SF3A1: variants seen among roughly 807,000 people sequenced by gnomAD.
SF3A1 encodes the protein splicing factor 3a subunit 1.
In SF3A1, 13 loss-of-function variants were observed where a neutral mutation model predicts 89.9. The observed-to-expected ratio is 0.14, with a 90% confidence interval of 0.09 to 0.23. The LOEUF is 0.23. Among genes scored for constraint, SF3A1 ranks in the 10% least tolerant of loss-of-function variants. SF3A1 has a pLI of 1.00. For missense variants in SF3A1, 604 were observed against 1,022.1 expected (o/e 0.59, Z 5.58); for synonymous variants, 405 against 374.4 (o/e 1.08, Z -0.94).
chr22:30,356,736 G>A lies in SF3A1; in HGVS notation c.57C>T (p.Pro19=). Residue 19 remains proline, a synonymous_variant, in exon 1 of 16, where the codon CCC becomes CCT. Transcript: ENST00000215793. ...AGGGGCGGGGGAGAGGTACCTGTTTGGGCTCCGTGGGCACGGGCGGCGGCG... is the reference window on the plus strand; with the variant it reads ...AGGGGCGGGGGAGAGGTACCTGTTTAGGCTCCGTGGGCACGGGCGGCGGCG... The part of the protein sequence containing the change: ...VPPPPPVPTE[P]KQPTEEEASS... 6.7e-7 allele frequency: 1 copy of A among 1,494,966 alleles called. No individual in the cohort carries two copies. The highest frequency in any genetic ancestry group is 8.9e-7 in the Non-Finnish European group (1 of 1,118,504). The allele number at this position is 1,494,966 out of a possible 1,614,324, so 92.6% of individuals were successfully genotyped here. A position where few individuals can be genotyped will look rare whatever the true frequency, so the allele number is the denominator to read the frequency against.
At chr22:30,348,179 G>T (rs1342644978) in intron 2 of SF3A1, among the ~76,000 whole-genome samples, 2 of 152,202 alleles carry the variant, frequency 1.3e-5, no homozygotes, top group African/African-American at 2.4e-5. Context: ...AAATGCAAGG[G>T]GCTAGGAGGG....
At position 30,340,716 on chromosome 22, in the gene SF3A1, G is replaced by A. The variant is rs1239952806; in HGVS notation, c.1168C>T (p.Arg390Cys). Residue 390 changes from arginine (R) to cysteine (C), a missense_variant, in exon 8 of 16, where the codon CGC becomes TGC. Physicochemically the swap from Arg to Cys is radical, Grantham distance 180. Transcript: ENST00000215793. ...CTACCTTTGGGATCATAATCCTTGC[G>A]GACAATGACTTGGTCTGGAGTTGGG... ...LPPTPDQVIV[R>C]KDYDPKASKP... The A allele has an allele frequency of 1.9e-6, 3 of 1,606,896 alleles. No individual in the cohort carries two copies. Among genetic ancestry groups the A allele is most frequent in the African/African-American group, 1.3e-5 (1 of 74,774 alleles).
In SF3A1 at chr22:30,333,101, T is replaced by G. The variant is rs929595449; in HGVS notation, c.*1493A>C. On this transcript the variant is annotated 3_prime_UTR_variant, in exon 16 of 16. Coordinates refer to ENST00000215793, the MANE Select transcript of SF3A1 (RefSeq NM_005877.6). ...CCACCTCAGGAAGCCAAATTTCAAC[T>G]CTTGCCCCTGGGGCAAACTTCTAGC... is the stretch of plus-strand genomic sequence containing the variant. 1.3e-5 allele frequency: 2 copies of G among 152,178 alleles called. No homozygotes were observed. The highest frequency in any genetic ancestry group is 2.9e-5 in the Non-Finnish European group (2 of 68,060). 9.4% of individuals were successfully genotyped at this position (152,178 alleles called of 1,614,324 possible).
intron 9 of SF3A1, 79 bp from the exon 10 acceptor site, chr22:30,339,330 G>T (rs1857211232): frequency 1.9e-6 from 3 of 1,570,478 alleles, no homozygotes; most frequent in Non-Finnish European, 1.7e-6. Context: ...AGCTTTTCTG[G>T]TGTGCAGGGA....
chr22:30,343,572 T>C (rs1457690360), intron 4 of SF3A1, among the ~76,000 whole-genome samples: 1 of 152,162 alleles, frequency 6.6e-6, no homozygotes, highest in East Asian at 1.9e-4. Context: ...CAAGAATCTA[T>C]CTGCTCAGTC....
At chr22:30,354,142 C>T (rs2145824984) in intron 1 of SF3A1, among the ~76,000 whole-genome samples, 1 of 152,312 alleles carries the variant, frequency 6.6e-6, no homozygotes, top group African/African-American at 2.4e-5. Context: ...GCAGCTTCTT[C>T]CCCTTAGTAA....
chr22:30,341,891 G>A lies in SF3A1; in HGVS notation c.878-6C>T, dbSNP rs760511378. 48 of 1,610,178 alleles carry A rather than the reference G, an allele frequency of 3.0e-5. No homozygotes were observed. The Admixed American group carries it at 8.0e-4, about 27-fold the overall frequency. On this transcript the variant is annotated splice_polypyrimidine_tract_variant and splice_region_variant and intron_variant, in intron 6 of 15. Coordinates refer to ENST00000215793, the MANE Select transcript of SF3A1 (RefSeq NM_005877.6). ...GGTGGGGGGAGGGAAGTTCCCTAGA[G>A]GGTGAGCCAGAGGCAAAGGTATTCC...
chr22:30,350,308 AAAAATAAAAAAAAT>A (rs912360121), intron 2 of SF3A1, among the ~76,000 whole-genome samples: 1 of 149,214 alleles, frequency 6.7e-6, no homozygotes, highest in Non-Finnish European at 1.5e-5. Context: ...AAAAACTAAA[AAAAATAAAAAAAAT>A]AAAAAAAAAA....
chr22:30,339,527 G>A (rs1931182063), intron 9 of SF3A1, among the ~76,000 whole-genome samples: 2 of 152,342 alleles, frequency 1.3e-5, no homozygotes, highest in South Asian at 4.1e-4. Flanking sequence ...GCCAAGGCAG[G>A]AGGATCACAT....
chr22:30,348,741 A>G (rs1003398893), intron 2 of SF3A1, among the ~76,000 whole-genome samples: 4 of 152,206 alleles, frequency 2.6e-5, no homozygotes, highest in East Asian at 1.9e-4. Context: ...CAAACCACAC[A>G]TAAGAATGAA....
At chr22:30,346,289 G>T in intron 3 of SF3A1, 23 bp downstream of exon 3, 1 of 1,499,010 alleles carries the variant, frequency 6.7e-7, no homozygotes, top group Non-Finnish European at 9.3e-7. Flanking sequence ...CTGCGTAAGT[G>T]AAGGGGGCAC....
chr22:30,342,940 C>A, intron 4 of SF3A1, 61 bp from the exon 5 acceptor site: 1 of 1,035,678 alleles, frequency 9.7e-7, no homozygotes, highest in Non-Finnish European at 1.5e-6. Context: ...AAAGAGGCAG[C>A]CTTCCTGGGC....
At chr22:30,340,146 TG>T in intron 9 of SF3A1, 49 bp downstream of exon 9, 1 of 1,395,778 alleles carries the variant, frequency 7.2e-7, no homozygotes, top group Non-Finnish European at 9.4e-7. Flanking sequence ...TAGAAGAAGA[TG>T]GCTGTAATTC....
intron 1 of SF3A1, among the ~76,000 whole-genome samples, chr22:30,355,453 T>C (rs961506170): frequency 6.6e-6 from 1 of 152,192 alleles, no homozygotes; most frequent in African/African-American, 2.4e-5. Context: ...CGGCCAGGCC[T>C]TCAGCCTCTT....
intron 12 of SF3A1, among the ~76,000 whole-genome samples, 187 bp from the exon 13 acceptor site, chr22:30,337,367 AC>A (rs1931102010): frequency 6.6e-6 from 1 of 152,144 alleles, no homozygotes; most frequent in African/African-American, 2.4e-5. Context: ...CCCAGATTGG[AC>A]AGCAGAGGAC....
At chr22:30,352,414 A>G (rs35537171) in intron 2 of SF3A1, 30,714 of 151,922 alleles carry the variant, frequency 0.2, 3,319 homozygotes, top group Middle Eastern at 0.36. Flanking sequence ...TAGCACCTGC[A>G]TGGAACTGTG....
intron 2 of SF3A1, among the ~76,000 whole-genome samples, chr22:30,346,853 A>G (rs2145815466): frequency 6.6e-6 from 1 of 152,334 alleles, no homozygotes. Flanking sequence ...TGGAGAATAC[A>G]TATTACTACT....
rs1396397107 is a variant in SF3A1, at chr22:30,334,589, CTT to C, written c.*3_*4del. The C allele has an allele frequency of 1.3e-6, 2 of 1,550,698 alleles. No homozygotes were observed. Among genetic ancestry groups the C allele is most frequent in the African/African-American group, 1.4e-5 (1 of 70,462 alleles). On this transcript the variant is annotated 3_prime_UTR_variant, in exon 16 of 16. Transcript: ENST00000215793. The stretch of plus-strand genomic sequence containing the variant: ...GGCAGGGACTTGACAGCAGGTTCCT[CTT>C]GTCTACTTCTTCCTCCCGCCTCTCT...
rs752082275 is a variant in SF3A1 at position 30,339,163 on chromosome 22, G to A, written c.1464C>T (p.Ile488=). ...CTGGCTTCTGGATCTCCTCCTCACCGATCTTCTTACCAATGGCTGTTTCCT... is the reference window on the plus strand; with the variant it reads ...CTGGCTTCTGGATCTCCTCCTCACCAATCTTCTTACCAATGGCTGTTTCCT... ...GVEETAIGKK[I]GEEEIQKPEE... is the part of the protein sequence containing the mutation. The change falls in exon 10 of 16, where the codon ATC becomes ATT. Residue 488 remains isoleucine (I), a synonymous_variant. Transcript: ENST00000215793. 1.6e-5 allele frequency: 26 copies of A among 1,614,016 alleles called. No homozygotes were observed. Among genetic ancestry groups the A allele is most frequent in the Admixed American group, 1.2e-4 (7 of 60,002 alleles).
Sources: allele counts gnomAD v4.1 joint callset (sites outside exome capture counted in the v4.1 genomes callset), GRCh38; gene constraint gnomAD v4.1.1; transcripts MANE v1.5; gene names NCBI Gene and HGNC (gene_info 2026-07-23, HGNC 2026-07-21).